SPAG16: variants seen among roughly 807,000 people sequenced by gnomAD.
The protein encoded by SPAG16 is sperm-associated antigen 16 protein.
A neutral mutation model predicts 80.4 loss-of-function variants in SPAG16; 86 were observed. The observed-to-expected ratio is 1.07, with a 90% CI of 0.90 to 1.28. The LOEUF is 1.28. Among genes scored for constraint, SPAG16 ranks in the 50% most tolerant of loss-of-function variants. The pLI, the probability that SPAG16 is intolerant of heterozygous loss-of-function variation, is 0.00. For synonymous variants in SPAG16, 294 were observed against 265.9 expected, an observed-to-expected ratio of 1.11 and a Z score of -1.03; for missense variants, 870 against 765.3, an observed-to-expected ratio of 1.14 and a Z score of -1.61.
At chr2:213,411,629 G>C (rs957239404) in intron 9 of SPAG16, among the ~76,000 whole-genome samples, 8 of 152,148 alleles carry the variant, frequency 5.3e-5, no homozygotes, top group African/African-American at 7.2e-5. Flanking sequence ...TGAGTTAGCC[G>C]GTAACTCAGG....
At chr2:213,369,906 A>G (rs1552539) in intron 8 of SPAG16, among the ~76,000 whole-genome samples, 133,269 of 152,060 alleles carry the variant, frequency 0.88, 60,422 homozygotes, top group East Asian at 1. Context: ...TGACATTAAT[A>G]TCACCGAAGT....
chr2:213,790,886 T>C (rs1325279388), intron 10 of SPAG16, among the ~76,000 whole-genome samples: 1 of 152,124 alleles, frequency 6.6e-6, no homozygotes, highest in Non-Finnish European at 1.5e-5. Flanking sequence ...TGACCTTTGT[T>C]GTCTCACTTT....
intron 11 of SPAG16, among the ~76,000 whole-genome samples, chr2:213,915,725 A>G (rs2077926928): frequency 6.6e-6 from 1 of 152,152 alleles, no homozygotes; most frequent in African/African-American, 2.4e-5. Context: ...GAACTAATTT[A>G]CACACCCATC....
intron 10 of SPAG16, among the ~76,000 whole-genome samples, chr2:213,718,165 A>AAAAAG (rs77312193): frequency 6.6e-6 from 1 of 151,304 alleles, no homozygotes; most frequent in Non-Finnish European, 1.5e-5. Context: ...AAAAAAAAAA[A>AAAAAG]AAAAGAAAAC....
chr2:213,819,027 C>G (rs980232301), intron 10 of SPAG16, among the ~76,000 whole-genome samples: 1 of 152,164 alleles, frequency 6.6e-6, no homozygotes, highest in Non-Finnish European at 1.5e-5. Context: ...AGTGTACATT[C>G]ATTCATCTGT....
chr2:214,267,064 T>C (rs1040273195), intron 15 of SPAG16, among the ~76,000 whole-genome samples: 2 of 151,748 alleles, frequency 1.3e-5, no homozygotes, highest in African/African-American at 4.8e-5. Flanking sequence ...AATGTCATTC[T>C]TCACAGAAAT....
At chr2:214,324,007 T>C (rs2125998730) in intron 15 of SPAG16, among the ~76,000 whole-genome samples, 2 of 152,334 alleles carry the variant, frequency 1.3e-5, no homozygotes, top group East Asian at 3.9e-4. Context: ...AGGTCTGATC[T>C]TTAGTAAATT....
At chr2:214,303,606 T>A (rs1289324169) in intron 15 of SPAG16, among the ~76,000 whole-genome samples, 1 of 152,198 alleles carries the variant, frequency 6.6e-6, no homozygotes, top group Non-Finnish European at 1.5e-5. Flanking sequence ...TTTGGTGATG[T>A]TCAACTTGTA....
At chr2:214,355,309 T>A in intron 15 of SPAG16, among the ~76,000 whole-genome samples, 1 of 52,626 alleles carries the variant, frequency 1.9e-5, no homozygotes, top group Admixed American at 2.3e-4. Context: ...TACGATGAAC[T>A]CAAACAAATT....
chr2:214,097,750 T>C (rs992158421), intron 13 of SPAG16, among the ~76,000 whole-genome samples: 1 of 152,028 alleles, frequency 6.6e-6, no homozygotes, highest in South Asian at 2.1e-4. Flanking sequence ...GTTATAATTA[T>C]GAAGTGATAA....
chr2:214,073,883 T>C (rs1285929155), intron 13 of SPAG16, among the ~76,000 whole-genome samples: 1 of 152,134 alleles, frequency 6.6e-6, no homozygotes, highest in Admixed American at 6.5e-5. Context: ...GGCCTAAAAC[T>C]GAGACCCATA....
chr2:214,225,848 A>G (rs2125787290), intron 15 of SPAG16, among the ~76,000 whole-genome samples: 1 of 152,274 alleles, frequency 6.6e-6, no homozygotes, highest in East Asian at 1.9e-4. Flanking sequence ...AATCAAATTT[A>G]TAAACTGCCT....
Position 213,536,877 on chromosome 2 carries a change from G to A in SPAG16, c.1070+46787G>A, listed in dbSNP as rs554795977. Among the ~76,000 whole-genome samples, 555 of 151,912 alleles carry A rather than the reference G, an allele frequency of 3.7e-3. 4 individuals are homozygous for A. Among genetic ancestry groups the A allele is most frequent in the African/African-American group, 0.012 (493 of 41,414 alleles). ...ACACATGCACACGTATGTTTATCGC[G>A]GCACTATTCACAATAGCAAAGACTT... On this transcript the variant is annotated intron_variant, in intron 10 of 15. Coordinates refer to ENST00000331683, the MANE Select transcript of SPAG16 (RefSeq NM_024532.5).
intron 15 of SPAG16, among the ~76,000 whole-genome samples, chr2:214,346,190 G>C (rs1161345963): frequency 6.6e-6 from 1 of 152,180 alleles, no homozygotes; most frequent in Non-Finnish European, 1.5e-5. Flanking sequence ...AGTTTTGTCA[G>C]TCTTGTAAAT....
At chr2:213,719,102 T>C (rs2066393059) in intron 10 of SPAG16, among the ~76,000 whole-genome samples, 1 of 151,996 alleles carries the variant, frequency 6.6e-6, no homozygotes, top group South Asian at 2.1e-4. Context: ...AGAACCTTTA[T>C]GTCTAGCTCA....
At chr2:213,461,589 G>T (rs1436430045) in intron 9 of SPAG16, among the ~76,000 whole-genome samples, 4 of 152,106 alleles carry the variant, frequency 2.6e-5, no homozygotes, top group Non-Finnish European at 5.9e-5. Flanking sequence ...ATGAGCAATG[G>T]ATTTTTAATA....
chr2:214,356,370 AATTGACACAATAT>A (rs1013501380), intron 15 of SPAG16, among the ~76,000 whole-genome samples: 9 of 151,894 alleles, frequency 5.9e-5, no homozygotes, highest in Non-Finnish European at 1.2e-4. Context: ...AAGTGATCCC[AATTGACACAATAT>A]GGAAGACAGT....
At chr2:214,078,786 AT>A (rs1192820897) in intron 13 of SPAG16, among the ~76,000 whole-genome samples, 1 of 152,178 alleles carries the variant, frequency 6.6e-6, no homozygotes, top group Non-Finnish European at 1.5e-5. Flanking sequence ...TTTTCAGAGT[AT>A]TTCTCTATGA....
At chr2:213,521,821 G>A (rs1314084106) in intron 10 of SPAG16, among the ~76,000 whole-genome samples, 1 of 152,202 alleles carries the variant, frequency 6.6e-6, no homozygotes. Flanking sequence ...TAAAATTTAT[G>A]TGTTACCATT....
Sources: gnomAD v4.1 joint callset for allele counts (sites outside exome capture counted in the v4.1 genomes callset) on GRCh38, gnomAD v4.1.1 for gene constraint, MANE v1.5 for transcripts, NCBI Gene and HGNC (gene_info 2026-07-23, HGNC 2026-07-21) for gene names.